TMC1: variants seen among roughly 807,000 people sequenced by gnomAD.
The protein encoded by TMC1 is transmembrane channel like 1.
Under a neutral mutation model 105.8 loss-of-function variants are expected in TMC1, and 84 were observed. The observed-to-expected ratio is 0.79, with a 90% confidence interval of 0.67 to 0.95. The LOEUF is 0.95. Among genes scored for constraint, TMC1 ranks in the 40% least tolerant of loss-of-function variants. The probability of loss-of-function intolerance (pLI) is 0.00; values close to 1 mark genes in which losing one functional copy is unlikely to be tolerated. For synonymous variants in TMC1, 315 were observed against 311.5 expected (o/e 1.01, Z -0.12); for missense variants, 817 against 914.1 (o/e 0.89, Z 1.37).
intron 4 of TMC1, among the ~76,000 whole-genome samples, chr9:72,639,351 A>G (rs1351319987): frequency 6.6e-6 from 1 of 152,216 alleles, no homozygotes; most frequent in Non-Finnish European, 1.5e-5. Flanking sequence ...TCATAATTTG[A>G]AACACGGCCC....
chr9:72,599,460 TCA>T (rs1432990159), intron 2 of TMC1, among the ~76,000 whole-genome samples: 2 of 152,148 alleles, frequency 1.3e-5, no homozygotes, highest in East Asian at 1.9e-4. Flanking sequence ...TGAGCAGATC[TCA>T]GTTACAAAAA....
At chr9:72,714,046 A>G (rs924077493) in intron 8 of TMC1, among the ~76,000 whole-genome samples, 16 of 152,164 alleles carry the variant, frequency 1.1e-4, no homozygotes, top group African/African-American at 3.6e-4. Context: ...ATTTAGGAAC[A>G]GGTTGTTCAG....
At chr9:72,822,230 C>A (rs1313891145) in intron 20 of TMC1, among the ~76,000 whole-genome samples, 1 of 152,144 alleles carries the variant, frequency 6.6e-6, no homozygotes, top group Non-Finnish European at 1.5e-5. Flanking sequence ...TTCTCCTTTT[C>A]AGTGAAGGAA....
intron 5 of TMC1, among the ~76,000 whole-genome samples, chr9:72,672,020 T>A (rs1489585976): frequency 6.6e-6 from 1 of 152,214 alleles, no homozygotes; most frequent in Non-Finnish European, 1.5e-5. Context: ...ATTCCAGGAA[T>A]TGTGGGATCC....
intron 2 of TMC1, among the ~76,000 whole-genome samples, chr9:72,608,298 C>T (rs560012004): frequency 3.9e-5 from 6 of 152,286 alleles, no homozygotes; most frequent in South Asian, 2.1e-4. Context: ...GGATATGAAA[C>T]GGCTGCTTGG....
rs148067155 is a variant in TMC1 at position 72,617,122 on chromosome 9, G to C, written c.-196+645G>C. Among the ~76,000 whole-genome samples the C allele has an allele frequency of 3.8e-4, 58 of 151,950 alleles. 1 individual carries two copies. Among genetic ancestry groups the C allele is most frequent in the African/African-American group, 1.3e-3 (53 of 41,454 alleles). On this transcript the variant is annotated intron_variant, in intron 3 of 23. Coordinates refer to ENST00000297784, the MANE Select transcript of TMC1 (RefSeq NM_138691.3). ...TTATTTCCTTTTGGATATGAAAAAC[G>C]CTTATGCAGTCCTGTATGTGGTCTC...
intron 2 of TMC1, among the ~76,000 whole-genome samples, chr9:72,579,520 A>G (rs1309391534): frequency 6.6e-6 from 1 of 152,168 alleles, no homozygotes; most frequent in African/African-American, 2.4e-5. Flanking sequence ...GTTGAGAACC[A>G]CCGCTTTAGC....
intron 8 of TMC1, among the ~76,000 whole-genome samples, chr9:72,710,649 T>C (rs1219179489): frequency 6.6e-6 from 1 of 152,164 alleles, no homozygotes; most frequent in Non-Finnish European, 1.5e-5. Context: ...TTGTCTGATA[T>C]AAGAATAGCT....
At chr9:72,566,509 G>A (rs934819550) in intron 1 of TMC1, among the ~76,000 whole-genome samples, 6 of 152,166 alleles carry the variant, frequency 3.9e-5, no homozygotes, top group African/African-American at 7.2e-5. Flanking sequence ...ACTGTTTCAG[G>A]TGGGGTTGGA....
At chr9:72,794,722 G>T (rs906566567) in intron 17 of TMC1, among the ~76,000 whole-genome samples, 2 of 152,156 alleles carry the variant, frequency 1.3e-5, no homozygotes, top group Non-Finnish European at 2.9e-5. Flanking sequence ...CCAGAGTATT[G>T]TATGTCCTCC....
chr9:72,662,423 C>A (rs2132161956), intron 5 of TMC1, among the ~76,000 whole-genome samples: 1 of 151,630 alleles, frequency 6.6e-6, no homozygotes, highest in East Asian at 1.9e-4. Context: ...TCTCGAACTC[C>A]TGACCTCAGG....
chr9:72,592,677 C>A (rs1356510101), intron 2 of TMC1, among the ~76,000 whole-genome samples: 3 of 152,198 alleles, frequency 2.0e-5, no homozygotes, highest in Non-Finnish European at 1.5e-5. Flanking sequence ...GCCACCTCTC[C>A]TGCTAGATTC....
At chr9:72,830,006 C>T (rs370496263) in intron 21 of TMC1, among the ~76,000 whole-genome samples, 6 of 152,222 alleles carry the variant, frequency 3.9e-5, no homozygotes, top group African/African-American at 1.4e-4. Flanking sequence ...CTGCAAAGGC[C>T]AAAGGACGAA....
At chr9:72,798,510 A>G (rs1349579336) in intron 17 of TMC1, among the ~76,000 whole-genome samples, 2 of 152,186 alleles carry the variant, frequency 1.3e-5, no homozygotes, top group Non-Finnish European at 2.9e-5. Flanking sequence ...ACCATGGAAT[A>G]TTATGCAGCC....
intron 1 of TMC1, among the ~76,000 whole-genome samples, chr9:72,575,465 G>A (rs776428817): frequency 5.3e-5 from 8 of 152,210 alleles, no homozygotes; most frequent in Non-Finnish European, 1.0e-4. Context: ...ACACGTGTGA[G>A]CCACTGTGCC....
intron 5 of TMC1, among the ~76,000 whole-genome samples, chr9:72,673,213 G>C (rs955492905): frequency 6.6e-6 from 1 of 152,092 alleles, no homozygotes; most frequent in African/African-American, 2.4e-5. Context: ...GCAGTATTTA[G>C]AGGAAAATTT....
At chr9:72,647,765 C>T (rs1252374256) in intron 4 of TMC1, among the ~76,000 whole-genome samples, 1 of 140,732 alleles carries the variant, frequency 7.1e-6, no homozygotes, top group East Asian at 2.0e-4. Flanking sequence ...ATAAATGTGC[C>T]ACCAGGATCC....
At chr9:72,662,686 A>G (rs765486836) in intron 5 of TMC1, among the ~76,000 whole-genome samples, 16 of 152,228 alleles carry the variant, frequency 1.1e-4, no homozygotes, top group Non-Finnish European at 2.1e-4. Flanking sequence ...ATTAATAAAC[A>G]GCAGATTCAA....
intron 2 of TMC1, among the ~76,000 whole-genome samples, chr9:72,599,654 C>CA (rs1374472267): frequency 6.6e-6 from 1 of 151,588 alleles, no homozygotes; most frequent in Non-Finnish European, 1.5e-5. Flanking sequence ...ACTAAAAATA[C>CA]AAAAAATTAG....
Sources: gnomAD v4.1 joint callset for allele counts (sites outside exome capture counted in the v4.1 genomes callset) on GRCh38, gnomAD v4.1.1 for gene constraint, MANE v1.5 for transcripts, NCBI Gene and HGNC (gene_info 2026-07-23, HGNC 2026-07-21) for gene names.